Variants in TENM3 observed in about 807,000 individuals in gnomAD.
TENM3 encodes teneurin-3.
TENM3 carries 63 observed loss-of-function variants against 255.1 expected under a neutral mutation model. The observed-to-expected ratio is 0.25, with a 90% confidence interval of 0.20 to 0.30. The LOEUF (loss-of-function observed/expected upper bound fraction) is 0.30, where lower values mean the gene tolerates loss of function less well. Ranked by LOEUF, TENM3 falls within the 10% of genes least tolerant of loss-of-function variation. TENM3 has a pLI of 1.00. For missense variants in TENM3, 2,929 were observed against 3,461.1 expected (o/e 0.85, Z 3.86); for synonymous variants, 1,306 against 1,322.3 (o/e 0.99, Z 0.27).
At chr4:181,515,004 A>C in the TENM3 span, among the ~76,000 whole-genome samples, 1 of 152,188 alleles carries the variant, frequency 6.6e-6, no homozygotes, top group African/African-American at 2.4e-5. Flanking sequence ...GGCTTTATTA[A>C]AAAGTGGTAC....
chr4:182,199,164 G>A (rs976173259), intron 1 of TENM3, among the ~76,000 whole-genome samples: 4 of 152,098 alleles, frequency 2.6e-5, no homozygotes, highest in African/African-American at 7.2e-5. Flanking sequence ...TATACCTGAA[G>A]AATCATTGCA....
At chr4:181,554,833 C>T in the TENM3 span, among the ~76,000 whole-genome samples, 1 of 152,194 alleles carries the variant, frequency 6.6e-6, no homozygotes, top group African/African-American at 2.4e-5. Context: ...ACTTAAATGG[C>T]TAATCCAGCT....
the TENM3 span, among the ~76,000 whole-genome samples, chr4:181,930,464 C>T: frequency 6.6e-6 from 1 of 152,038 alleles, no homozygotes; most frequent in African/African-American, 2.4e-5. Context: ...AAGACTAAAC[C>T]AGGAAGAAGT....
the TENM3 span, among the ~76,000 whole-genome samples, chr4:181,882,915 CAG>C: frequency 1.2e-4 from 18 of 152,192 alleles, no homozygotes; most frequent in African/African-American, 4.3e-4. Context: ...AACAAGCCAA[CAG>C]AGTAGGCAGT....
the TENM3 span, among the ~76,000 whole-genome samples, chr4:182,057,502 T>A: frequency 6.6e-6 from 1 of 151,326 alleles, no homozygotes; most frequent in Non-Finnish European, 1.5e-5. Context: ...CCTTGAATTC[T>A]TGGGCTCAAG....
At chr4:182,583,824 A>T (rs564550769) in intron 3 of TENM3, among the ~76,000 whole-genome samples, 1 of 152,218 alleles carries the variant, frequency 6.6e-6, no homozygotes, top group Non-Finnish European at 1.5e-5. Context: ...TTCTACAGAT[A>T]TATTTTCCTT....
intron 23 of TENM3, among the ~76,000 whole-genome samples, chr4:182,774,298 A>G (rs1470322849): frequency 1.3e-5 from 2 of 152,186 alleles, no homozygotes; most frequent in African/African-American, 4.8e-5. Context: ...AGTAATCTCT[A>G]ACCATCTAAA....
At chr4:182,145,626 T>C (rs1313483304) in intron 1 of TENM3, among the ~76,000 whole-genome samples, 1 of 152,186 alleles carries the variant, frequency 6.6e-6, no homozygotes, top group Non-Finnish European at 1.5e-5. Context: ...CAAGTACTTG[T>C]ACCGTGTAAT....
At chr4:181,912,496 T>G in the TENM3 span, among the ~76,000 whole-genome samples, 1 of 152,016 alleles carries the variant, frequency 6.6e-6, no homozygotes, top group East Asian at 1.9e-4. Flanking sequence ...TTTTTAAGAT[T>G]GGTGAAGGTG....
At chr4:181,991,731 A>C in the TENM3 span, among the ~76,000 whole-genome samples, 2 of 152,178 alleles carry the variant, frequency 1.3e-5, no homozygotes, top group Admixed American at 1.3e-4. Context: ...AGTTAGGCTG[A>C]GGATGAAAAT....
intron 1 of TENM3, among the ~76,000 whole-genome samples, chr4:182,274,409 G>A (rs887136570): frequency 5.3e-5 from 8 of 152,170 alleles, no homozygotes; most frequent in Admixed American, 6.5e-5. Context: ...CCTAAGGAGC[G>A]ATATAGTGTT....
rs531843162 is a variant in TENM3, at chr4:182,774,266, AT to A, written c.5068+627del. On this transcript the variant is annotated intron_variant, in intron 23 of 27. Coordinates refer to ENST00000511685, the MANE Select transcript of TENM3 (RefSeq NM_001080477.4). Reference sequence around the variant, plus strand: ...AAATCTGTATTCAACTTTTTGACTCATTTTTTTTACCTGTTCCATGAAGTAA... The same window carrying A: ...AAATCTGTATTCAACTTTTTGACTCATTTTTTTACCTGTTCCATGAAGTAA... Among the ~76,000 whole-genome samples, 910 of 152,066 alleles carry A rather than the reference AT, an allele frequency of 6.0e-3. 7 individuals carry two copies. Among genetic ancestry groups the A allele is most frequent in the African/African-American group, 0.02 (827 of 41,500 alleles).
the TENM3 span, among the ~76,000 whole-genome samples, chr4:181,892,887 CA>C: frequency 6.6e-6 from 1 of 152,152 alleles, no homozygotes. Flanking sequence ...TCCTCTCAAA[CA>C]AGATTTAACA....
chr4:181,794,762 C>T, the TENM3 span, among the ~76,000 whole-genome samples: 1 of 151,032 alleles, frequency 6.6e-6, no homozygotes, highest in Admixed American at 6.6e-5. Flanking sequence ...CTGTCTAGGT[C>T]GGGTTGGATC....
At chr4:181,511,456 G>A in the TENM3 span, among the ~76,000 whole-genome samples, 47 of 152,198 alleles carry the variant, frequency 3.1e-4, no homozygotes, top group Non-Finnish European at 5.9e-5. Context: ...GCTCATGCGT[G>A]GGTACAGCAA....
At chr4:181,720,820 G>A in the TENM3 span, among the ~76,000 whole-genome samples, 1 of 152,174 alleles carries the variant, frequency 6.6e-6, no homozygotes, top group South Asian at 2.1e-4. Context: ...AATGAGGTCG[G>A]ACCATAAAGG....
Position 182,644,031 on chromosome 4 carries a change from C to G in TENM3, c.989-9740C>G, listed in dbSNP as rs113870976. On this transcript the variant is annotated intron_variant, in intron 5 of 27. Coordinates refer to ENST00000511685, the MANE Select transcript of TENM3 (RefSeq NM_001080477.4). Reference sequence around the variant, plus strand: ...ACAGCGTTTAGCCAACCCTGGCAGGCCCTCCCAGCACGCTACTCTGTGTTG... The same window carrying G: ...ACAGCGTTTAGCCAACCCTGGCAGGGCCTCCCAGCACGCTACTCTGTGTTG... Among the ~76,000 whole-genome samples the G allele has an allele frequency of 8.8e-3, 1,338 of 152,296 alleles. 18 individuals are homozygous for G. The highest frequency in any genetic ancestry group is 0.031 in the African/African-American group (1,279 of 41,562).
At chr4:182,608,386 G>C (rs191228731) in intron 4 of TENM3, among the ~76,000 whole-genome samples, 1 of 152,302 alleles carries the variant, frequency 6.6e-6, no homozygotes, top group Admixed American at 6.5e-5. Context: ...AGCCTCCTGA[G>C]TAGCATGGAC....
At chr4:181,869,830 TA>T in the TENM3 span, among the ~76,000 whole-genome samples, 2 of 151,926 alleles carry the variant, frequency 1.3e-5, no homozygotes, top group African/African-American at 2.4e-5. Flanking sequence ...CAACAAACAA[TA>T]AAAATAATAA....
Sources: allele counts gnomAD v4.1 joint callset (sites outside exome capture counted in the v4.1 genomes callset), GRCh38; gene constraint gnomAD v4.1.1; transcripts MANE v1.5; gene names NCBI Gene and HGNC (gene_info 2026-07-23, HGNC 2026-07-21).